DHRS12: variants seen among roughly 807,000 people sequenced by gnomAD.
DHRS12 encodes dehydrogenase/reductase SDR family member 12.
DHRS12 carries 29 observed loss-of-function variants against 32.1 expected under a neutral mutation model. The observed-to-expected ratio is 0.90, with a 90% CI of 0.67 to 1.23. The LOEUF (loss-of-function observed/expected upper bound fraction) is 1.23. Ranked by LOEUF, DHRS12 falls within the 50% of genes most tolerant of loss-of-function variation. DHRS12 has a pLI of 0.00. For missense variants in DHRS12, 330 were observed against 337.2 expected (o/e 0.98, Z 0.17); for synonymous variants, 150 against 135.9 (o/e 1.10, Z -0.72).
chr13:51,758,579 A>T, the DHRS12 span, among the ~76,000 whole-genome samples: 1 of 150,722 alleles, frequency 6.6e-6, no homozygotes, highest in African/African-American at 2.4e-5. Context: ...AAAAGTTACC[A>T]TTGAAGGTGA....
chr13:51,790,777 T>C (rs192854510), intron 3 of DHRS12, among the ~76,000 whole-genome samples: 137 of 152,356 alleles, frequency 9.0e-4, no homozygotes, highest in Admixed American at 3.9e-3. Context: ...TGGAGTTTTG[T>C]GCTAATTATG....
chr13:51,756,282 C>T, the DHRS12 span: 14 of 1,574,182 alleles, frequency 8.9e-6, no homozygotes, highest in Non-Finnish European at 1.2e-5. Flanking sequence ...GCGGGGGCCT[C>T]AGGAGCTGAG....
At chr13:51,797,831 T>C (rs1957403905) in intron 2 of DHRS12, 2 of 1,535,174 alleles carry the variant, frequency 1.3e-6, no homozygotes, top group Non-Finnish European at 1.7e-6. Context: ...CTCACCTGGT[T>C]ACCGCTCTCC....
At chr13:51,769,868 G>A (rs77733744) in intron 7 of DHRS12, among the ~76,000 whole-genome samples, 18,662 of 152,238 alleles carry the variant, frequency 0.12, 1,419 homozygotes, top group South Asian at 0.2. Flanking sequence ...GTAGCCTCCC[G>A]GGCCTGGCCT....
Position 51,783,706 on chromosome 13 carries a change from G to T in DHRS12, c.301+6305C>A, listed in dbSNP as rs1419324448. ...CCCTGCAGCCTCTGACCTCTTCTTAGCCCCCTAGGTTGCCTTTTCCAGAAT... is the reference window on the plus strand; with the variant it reads ...CCCTGCAGCCTCTGACCTCTTCTTATCCCCCTAGGTTGCCTTTTCCAGAAT... On this transcript the variant is annotated intron_variant, in intron 4 of 8. Coordinates refer to ENST00000444610, the MANE Select transcript of DHRS12 (RefSeq NM_001377533.1). Among the ~76,000 whole-genome samples, 4 of 152,058 alleles carry T rather than the reference G, an allele frequency of 2.6e-5. No individual in the cohort carries two copies. The East Asian group carries it at 7.7e-4, about 29-fold the overall frequency.
chr13:51,796,679 T>C (rs1343120708), intron 2 of DHRS12, among the ~76,000 whole-genome samples: 1 of 152,166 alleles, frequency 6.6e-6, no homozygotes, highest in East Asian at 1.9e-4. Context: ...GGCCTGAGAT[T>C]AGTATTCTTG....
chr13:51,790,137 A>G, intron 3 of DHRS12, 45 bp from the exon 4 acceptor site: 1 of 1,495,756 alleles, frequency 6.7e-7, no homozygotes. Flanking sequence ...AAATAGGGCC[A>G]AAAGACCTAT....
chr13:51,756,514 T>G, the DHRS12 span: 1 of 1,584,204 alleles, frequency 6.3e-7, no homozygotes, highest in Non-Finnish European at 8.6e-7. Flanking sequence ...GAATTTAATC[T>G]GAGCCTTGCA....
chr13:51,784,939 T>C (rs1217625700), intron 4 of DHRS12, among the ~76,000 whole-genome samples: 1 of 152,214 alleles, frequency 6.6e-6, no homozygotes, highest in Non-Finnish European at 1.5e-5. Context: ...TAAATGTTTA[T>C]GTAACAAGCC....
Position 51,782,117 on chromosome 13 carries a change from C to G in DHRS12, c.302-4996G>C, listed in dbSNP as rs1238060469. 1.3e-5 allele frequency among the ~76,000 whole-genome samples: 2 copies of G among 152,018 alleles called. No homozygotes were observed. Among genetic ancestry groups the G allele is most frequent in the African/African-American group, 4.8e-5 (2 of 41,352 alleles). Reference sequence around the variant, plus strand: ...GATGATGCTGGCCACTGGGGTGGGGCCCATTACAGGAGCAGACCGGTGAGG... The same window carrying G: ...GATGATGCTGGCCACTGGGGTGGGGGCCATTACAGGAGCAGACCGGTGAGG... On this transcript the variant is annotated intron_variant, in intron 4 of 8. Coordinates refer to ENST00000444610, the MANE Select transcript of DHRS12 (RefSeq NM_001377533.1). The surrounding 1 kb of genome is among the most constrained non-coding windows in gnomAD (Gnocchi z 4.2).
Position 51,781,441 on chromosome 13 carries a change from C to T in DHRS12, c.302-4320G>A, listed in dbSNP as rs893725154. Among the ~76,000 whole-genome samples the T allele has an allele frequency of 4.7e-4, 71 of 152,276 alleles. 1 individual carries two copies. Among genetic ancestry groups the T allele is most frequent in the Admixed American group, 8.5e-4 (13 of 15,288 alleles). ...AAGTACTCAGGATACAGACTGAGGG[C>T]GCCCTGCCCTCTGCCAGGCATTCCC... is the stretch of plus-strand genomic sequence containing the variant. On this transcript the variant is annotated intron_variant, in intron 4 of 8. Coordinates refer to ENST00000444610, the MANE Select transcript of DHRS12 (RefSeq NM_001377533.1).
At chr13:51,777,832 T>C (rs1345653013) in intron 4 of DHRS12, among the ~76,000 whole-genome samples, 2 of 152,232 alleles carry the variant, frequency 1.3e-5, no homozygotes, top group Non-Finnish European at 2.9e-5. Context: ...GGTGGGATTA[T>C]TGTTTCTATA....
chr13:51,780,261 G>A (rs1954641518), intron 4 of DHRS12, among the ~76,000 whole-genome samples: 1 of 152,178 alleles, frequency 6.6e-6, no homozygotes, highest in African/African-American at 2.4e-5. Flanking sequence ...GTTAATGGGT[G>A]CTTTTAGTCA....
intron 2 of DHRS12, 106 bp downstream of exon 2, chr13:51,799,428 T>C: frequency 3.3e-6 from 5 of 1,517,706 alleles, no homozygotes; most frequent in Non-Finnish European, 3.6e-6. Flanking sequence ...GGGATCGCCG[T>C]CCAGGACTTC....
chr13:51,789,955 T>C (rs1385458364), intron 4 of DHRS12, 56 bp downstream of exon 4: 3 of 1,534,744 alleles, frequency 2.0e-6, no homozygotes, highest in Admixed American at 4.6e-5. Context: ...TACCCTTCTA[T>C]GGTACATTCT....
intron 2 of DHRS12, among the ~76,000 whole-genome samples, chr13:51,796,876 A>G (rs1162827494): frequency 6.6e-6 from 1 of 152,230 alleles, no homozygotes. Context: ...GGGGATTTCC[A>G]TGAGAAAGGG....
chr13:51,793,728 G>A (rs1015870669), intron 2 of DHRS12, among the ~76,000 whole-genome samples: 6 of 152,194 alleles, frequency 3.9e-5, no homozygotes, highest in Non-Finnish European at 8.8e-5. Flanking sequence ...ACCAATGACT[G>A]CAAACTGAGT....
chr13:51,771,638 G>T, intron 7 of DHRS12, 183 bp downstream of exon 7: 1 of 1,422,368 alleles, frequency 7.0e-7, no homozygotes, highest in Non-Finnish European at 9.6e-7. Flanking sequence ...CAAAAGCTCT[G>T]TGTCTGTATG....
chr13:51,779,314 A>G (rs1954593415), intron 4 of DHRS12, among the ~76,000 whole-genome samples: 1 of 152,182 alleles, frequency 6.6e-6, no homozygotes, highest in Admixed American at 6.5e-5. Context: ...TTTGGGAAAC[A>G]TGCCCCATTC....
Sources: gnomAD v4.1 joint callset for allele counts (sites outside exome capture counted in the v4.1 genomes callset) on GRCh38, gnomAD v4.1.1 for gene constraint, Gnocchi (gnomAD v3.1) non-coding constraint, MANE v1.5 for transcripts, NCBI Gene and HGNC (gene_info 2026-07-23, HGNC 2026-07-21) for gene names.